CDK14: variants seen among roughly 807,000 people sequenced by gnomAD.
CDK14 encodes the protein cyclin-dependent kinase 14.
CDK14 carries 34 observed loss-of-function variants against 60.7 expected under a neutral mutation model. The ratio of observed to expected loss-of-function variants is 0.56; its 90% confidence interval spans 0.43 to 0.75. The LOEUF (loss-of-function observed/expected upper bound fraction) is 0.75, where lower values mean the gene tolerates loss of function less well. Ranked by LOEUF, CDK14 falls within the 30% of genes least tolerant of loss-of-function variation. The probability of loss-of-function intolerance (pLI) is 0.00; values close to 1 mark genes in which losing one functional copy is unlikely to be tolerated. For missense variants in CDK14, 482 were observed against 564.1 expected (o/e 0.85, Z 1.47); for synonymous variants, 197 against 203.7 (o/e 0.97, Z 0.28).
intron 6 of CDK14, among the ~76,000 whole-genome samples, chr7:90,872,801 T>C (rs1327460102): frequency 6.6e-6 from 1 of 152,324 alleles, no homozygotes; most frequent in South Asian, 2.1e-4. Flanking sequence ...ACTGTTGCTA[T>C]GGTAAATGCC....
chr7:90,628,576 T>C (rs564674221), intron 2 of CDK14, among the ~76,000 whole-genome samples: 31 of 152,082 alleles, frequency 2.0e-4, no homozygotes, highest in Non-Finnish European at 2.8e-4. Flanking sequence ...ATTCCAGTGA[T>C]TGGGGAGGCT....
chr7:90,631,519 C>A (rs1309292138), intron 2 of CDK14, among the ~76,000 whole-genome samples: 5 of 152,094 alleles, frequency 3.3e-5, no homozygotes, highest in African/African-American at 1.2e-4. Flanking sequence ...GACTAGGGGC[C>A]ACTATTGTAA....
intron 5 of CDK14, among the ~76,000 whole-genome samples, chr7:90,808,980 A>G (rs1170159752): frequency 6.6e-6 from 1 of 152,208 alleles, no homozygotes; most frequent in Admixed American, 6.5e-5. Context: ...GCAAGTCCTT[A>G]GAGACCTACG....
intron 14 of CDK14, among the ~76,000 whole-genome samples, chr7:91,140,542 C>T (rs1360113026): frequency 2.6e-5 from 4 of 152,162 alleles, no homozygotes; most frequent in East Asian, 3.9e-4. Flanking sequence ...TGATTCAGTA[C>T]AGGCAGCTCT....
chr7:90,867,406 C>T (rs947202551), intron 6 of CDK14, among the ~76,000 whole-genome samples: 3 of 152,134 alleles, frequency 2.0e-5, no homozygotes, highest in African/African-American at 7.2e-5. Flanking sequence ...ACCTATTTAA[C>T]ACCATGCTGA....
At chr7:91,046,028 C>A in intron 11 of CDK14, 68 bp downstream of exon 11, 1 of 1,060,330 alleles carries the variant, frequency 9.4e-7, no homozygotes, top group South Asian at 1.3e-5. Context: ...TAAATGTTCC[C>A]TCTCAAGCAA....
rs375718096 is a variant in CDK14, at chr7:90,776,988, G to T, written c.465-13585G>T. On this transcript the variant is annotated intron_variant, in intron 4 of 14. Coordinates refer to ENST00000380050, the MANE Select transcript of CDK14 (RefSeq NM_001287135.2). ...TGTTCCGATGGTTTCTCAACAATTA[G>T]AAAGCAAAATAGTGACACGAAGTTA... is the stretch of plus-strand genomic sequence containing the variant. 4.8e-5 allele frequency among the ~76,000 whole-genome samples: 7 copies of T among 145,896 alleles called. No individual in the cohort carries two copies. The South Asian group carries it at 1.3e-3, about 27-fold the overall frequency.
At chr7:90,880,388 G>A (rs113777722) in intron 6 of CDK14, among the ~76,000 whole-genome samples, 1 of 152,270 alleles carries the variant, frequency 6.6e-6, no homozygotes, top group African/African-American at 2.4e-5. Context: ...TTCCCTGCAG[G>A]ATCTCCAGTA....
rs199802321 is a variant in CDK14 at position 90,659,881 on chromosome 7, G to C, written c.123+55632G>C. On this transcript the variant is annotated intron_variant, in intron 2 of 14. Coordinates refer to ENST00000380050, the MANE Select transcript of CDK14 (RefSeq NM_001287135.2). Reference sequence around the variant, plus strand: ...TCTCTCTCTCTCTCTCTCTCTGTGTGTGTGTGTGTGTGTGTGTGTGCACGC... The same window carrying C: ...TCTCTCTCTCTCTCTCTCTCTGTGTCTGTGTGTGTGTGTGTGTGTGCACGC... 4.1e-3 allele frequency among the ~76,000 whole-genome samples: 425 copies of C among 103,890 alleles called. 1 individual carries two copies. Among genetic ancestry groups the C allele is most frequent in the Admixed American group, 9.8e-3 (86 of 8,776 alleles). The allele number at this position is 103,890 out of a possible 152,430, so 68.2% of individuals were successfully genotyped here.
chr7:91,172,854 T>A (rs1801571298), intron 14 of CDK14, among the ~76,000 whole-genome samples: 3 of 152,298 alleles, frequency 2.0e-5, no homozygotes, highest in African/African-American at 7.2e-5. Flanking sequence ...TTCACTCACA[T>A]CAGATTTTAT....
At chr7:90,643,232 G>C (rs2116449339) in intron 2 of CDK14, among the ~76,000 whole-genome samples, 1 of 152,334 alleles carries the variant, frequency 6.6e-6, no homozygotes, top group Middle Eastern at 3.4e-3. Flanking sequence ...TGGGCAAGCA[G>C]TTCCCACAGG....
intron 2 of CDK14, among the ~76,000 whole-genome samples, chr7:90,616,661 G>C (rs533750337): frequency 6.6e-6 from 1 of 152,142 alleles, no homozygotes; most frequent in African/African-American, 2.4e-5. Flanking sequence ...CAAAAAAGGT[G>C]TTTTAGTCAT....
At chr7:90,672,156 A>G (rs1222952726) in intron 2 of CDK14, among the ~76,000 whole-genome samples, 1 of 152,178 alleles carries the variant, frequency 6.6e-6, no homozygotes, top group Non-Finnish European at 1.5e-5. Context: ...TTTCTTGGGT[A>G]ATACCTTTAT....
At chr7:91,119,440 C>T (rs769728491) in intron 14 of CDK14, among the ~76,000 whole-genome samples, 1 of 152,166 alleles carries the variant, frequency 6.6e-6, no homozygotes, top group Non-Finnish European at 1.5e-5. Context: ...GCTGAGATTG[C>T]ACCACTGCAC....
chr7:91,088,882 G>A (rs554861417), intron 12 of CDK14, among the ~76,000 whole-genome samples: 1 of 152,028 alleles, frequency 6.6e-6, no homozygotes, highest in African/African-American at 2.4e-5. Context: ...TCTTTGTGAT[G>A]TTTGTCCAGC....
In CDK14 at chr7:90,596,414, C is replaced by T; in HGVS notation, c.-214C>T. 1 of 316,794 alleles carries T rather than the reference C, an allele frequency of 3.2e-6. No individual in the cohort carries two copies. Among genetic ancestry groups the T allele is most frequent in the Non-Finnish European group, 5.8e-6 (1 of 173,518 alleles). 19.6% of individuals were successfully genotyped at this position (316,794 alleles called of 1,614,324 possible). A position where few individuals can be genotyped will look rare whatever the true frequency, so the allele number is the denominator to read the frequency against. ...GCCGCCCCCGGCACCACGTAAACCG[C>T]CCCCGCCCGCCCAGCTGCGGCCCAG... On this transcript the variant is annotated 5_prime_UTR_variant, in exon 1 of 15. Transcript: ENST00000380050.
rs138623157 is a variant in CDK14 at position 90,942,130 on chromosome 7, G to A, written c.827-13567G>A. Among the ~76,000 whole-genome samples the A allele has an allele frequency of 1.5e-3, 231 of 152,288 alleles. 1 individual carries two copies. The highest frequency in any genetic ancestry group is 5.4e-3 in the African/African-American group (223 of 41,546). On this transcript the variant is annotated intron_variant, in intron 8 of 14. Coordinates refer to ENST00000380050, the MANE Select transcript of CDK14 (RefSeq NM_001287135.2). ...TTAGAGGATCAGTCTCAGTGTGGGG[G>A]AAAGGGATCCCTTATCTTTATTTCC...
At chr7:90,708,383 T>C (rs1801947540) in intron 2 of CDK14, among the ~76,000 whole-genome samples, 1 of 152,188 alleles carries the variant, frequency 6.6e-6, no homozygotes, top group Non-Finnish European at 1.5e-5. Context: ...TTGAAAGACC[T>C]GTTGAAGTCT....
At chr7:90,656,668 G>A (rs979853342) in intron 2 of CDK14, among the ~76,000 whole-genome samples, 13 of 152,122 alleles carry the variant, frequency 8.5e-5, no homozygotes, top group Admixed American at 5.2e-4. Flanking sequence ...GTGAGCCACC[G>A]CGCCCCGCCT....
Sources: allele counts gnomAD v4.1 joint callset (sites outside exome capture counted in the v4.1 genomes callset), GRCh38; gene constraint gnomAD v4.1.1; transcripts MANE v1.5; gene names NCBI Gene and HGNC (gene_info 2026-07-23, HGNC 2026-07-21).